ACSM3: variants seen among roughly 807,000 people sequenced by gnomAD.
ACSM3 encodes acyl-coenzyme A synthetase ACSM3, mitochondrial.
Under a neutral mutation model 74.1 loss-of-function variants are expected in ACSM3, and 61 were observed. The observed-to-expected ratio is 0.82, with a 90% CI of 0.67 to 1.02. The LOEUF is 1.02. Among genes scored for constraint, ACSM3 ranks in the 50% least tolerant of loss-of-function variants. The pLI is 0.00. For synonymous variants in ACSM3, 213 were observed against 241.5 expected (o/e 0.88, Z 1.09); for missense variants, 660 against 697.0 (o/e 0.95, Z 0.60).
chr16:20,737,593 A>G, intron 1 of ACSM3: 1 of 1,056,146 alleles, frequency 9.5e-7, no homozygotes, highest in Non-Finnish European at 1.3e-6. Context: ...GAACATTTTA[A>G]TATATTTGTT....
At chr16:20,741,402 G>T in intron 1 of ACSM3, 1 of 1,371,844 alleles carries the variant, frequency 7.3e-7, no homozygotes, top group Non-Finnish European at 9.7e-7. Flanking sequence ...CAGCCGTCAC[G>T]CCGACGACCC....
At chr16:20,737,319 G>T in intron 1 of ACSM3, 2 of 1,571,500 alleles carry the variant, frequency 1.3e-6, no homozygotes, top group Non-Finnish European at 1.7e-6. Flanking sequence ...CATAGCTGAG[G>T]AGGATACCAT....
At chr16:20,745,517 G>A (rs2079953929) in intron 1 of ACSM3, among the ~76,000 whole-genome samples, 1 of 152,118 alleles carries the variant, frequency 6.6e-6, no homozygotes, top group Non-Finnish European at 1.5e-5. Flanking sequence ...GGGAGGCAGA[G>A]GTTGCAGTGA....
At chr16:20,683,646 CTTT>C (rs36182498) in intron 1 of ACSM3, among the ~76,000 whole-genome samples, 3 of 136,856 alleles carry the variant, frequency 2.2e-5, no homozygotes, top group Non-Finnish European at 4.6e-5. Context: ...CAGCTCAAGT[CTTT>C]TTTTTTTTTT....
upstream of ACSM3, among the ~76,000 whole-genome samples, chr16:20,760,934 C>A (rs2080071829): frequency 1.3e-5 from 2 of 152,168 alleles, no homozygotes; most frequent in Non-Finnish European, 2.9e-5. Flanking sequence ...TCCGCAACCC[C>A]CCACCCTTTA....
intron 1 of ACSM3, among the ~76,000 whole-genome samples, chr16:20,727,988 A>G (rs895938809): frequency 1.3e-5 from 2 of 152,220 alleles, no homozygotes; most frequent in African/African-American, 4.8e-5. Flanking sequence ...AGAATCTCCA[A>G]TTTGATTCTA....
intron 1 of ACSM3, among the ~76,000 whole-genome samples, chr16:20,700,278 G>A (rs900550527): frequency 6.6e-6 from 1 of 152,154 alleles, no homozygotes; most frequent in Admixed American, 6.5e-5. Context: ...GACAAGGTTG[G>A]TGCTCTCAAG....
At position 20,769,929 on chromosome 16, in the gene ACSM3, G is replaced by A. The variant is rs536065461; in HGVS notation, c.-51-55G>A. ...AATAACAAAACTTAGCCACTTTGGG[G>A]TATGGCTACCTTCAGGACAGAAACA... On this transcript the variant is annotated intron_variant, in intron 1 of 13. Transcript: ENST00000289416. 12 of 1,099,860 alleles carry A rather than the reference G, an allele frequency of 1.1e-5. No homozygotes were observed. In the East Asian group the frequency reaches 2.8e-4, roughly 26 times the overall value. 68.1% of individuals were successfully genotyped at this position (1,099,860 alleles called of 1,614,324 possible). A position where few individuals can be genotyped will look rare whatever the true frequency, so the allele number is the denominator to read the frequency against.
chr16:20,717,962 A>G (rs28370423), intron 1 of ACSM3, among the ~76,000 whole-genome samples: 2,395 of 38,226 alleles, frequency 0.063, 9 homozygotes, highest in African/African-American at 0.083. Context: ...AAGAGGAAGA[A>G]GAAGAAGAAG....
At chr16:20,789,684 C>CTT (rs561663756) in intron 9 of ACSM3, 2,925 of 442,614 alleles carry the variant, frequency 6.6e-3, no homozygotes, top group Middle Eastern at 8.7e-3. Context: ...CTCTATTTTT[C>CTT]TTTTTTTTTT....
intron 1 of ACSM3, among the ~76,000 whole-genome samples, chr16:20,745,578 A>AAAAT (rs55894266): frequency 0.042 from 6,392 of 150,592 alleles, 168 homozygotes; most frequent in South Asian, 0.066. Flanking sequence ...ACTCTGTCTC[A>AAAAT]AAATAAATAA....
chr16:20,691,935 A>C lies in ACSM3; in HGVS notation c.-190+17113A>C, dbSNP rs556719072. 1.3e-4 allele frequency among the ~76,000 whole-genome samples: 20 copies of C among 152,286 alleles called. 1 individual carries two copies. The highest frequency in any genetic ancestry group is 4.1e-4 in the South Asian group (2 of 4,822). ...ACAGGCGAGAATGAAACTGATGTAC[A>C]GAAACAATGAGATGAGGTGGAGTAA... is the stretch of plus-strand genomic sequence containing the variant. On this transcript the variant is annotated intron_variant, in intron 1 of 3. Coordinates refer to the ACSM3 transcript ENST00000561584.
At chr16:20,705,892 A>G (rs2079725978) in intron 1 of ACSM3, among the ~76,000 whole-genome samples, 4 of 152,184 alleles carry the variant, frequency 2.6e-5, no homozygotes, top group Admixed American at 2.6e-4. Context: ...GGAAAAATAG[A>G]AATGATTTTA....
chr16:20,775,816 A>G (rs770821207), intron 2 of ACSM3, 23 bp from the exon 3 acceptor site: 21 of 1,612,228 alleles, frequency 1.3e-5, no homozygotes, highest in Middle Eastern at 1.6e-4. Flanking sequence ...CTTTAAATCA[A>G]TGACTGGTTT....
At chr16:20,721,530 C>T (rs970586288) in intron 1 of ACSM3, 24 of 152,148 alleles carry the variant, frequency 1.6e-4, no homozygotes, top group African/African-American at 5.6e-4. Context: ...CCTGCTACAA[C>T]TGTAGTGCTG....
intron 1 of ACSM3, among the ~76,000 whole-genome samples, chr16:20,713,785 T>C (rs2079751823): frequency 6.6e-6 from 1 of 152,128 alleles, no homozygotes; most frequent in Non-Finnish European, 1.5e-5. Context: ...GGGGGTAGTT[T>C]TCAAGATGGA....
chr16:20,788,017 C>A (rs1567360392), intron 9 of ACSM3, among the ~76,000 whole-genome samples: 1 of 152,130 alleles, frequency 6.6e-6, no homozygotes, highest in Non-Finnish European at 1.5e-5. Flanking sequence ...GTTTAAAGAG[C>A]ATATCAGAAT....
At chr16:20,741,435 C>A in intron 1 of ACSM3, 1 of 1,450,766 alleles carries the variant, frequency 6.9e-7, no homozygotes, top group Non-Finnish European at 9.1e-7. Context: ...CCCATACCAG[C>A]AGCCATCCCT....
intron 1 of ACSM3, among the ~76,000 whole-genome samples, chr16:20,717,003 G>C (rs1201282004): frequency 6.6e-6 from 1 of 152,156 alleles, no homozygotes; most frequent in Non-Finnish European, 1.5e-5. Context: ...TTTATTATCT[G>C]ACAAATGAAA....
Sources: allele counts gnomAD v4.1 joint callset (sites outside exome capture counted in the v4.1 genomes callset), GRCh38; gene constraint gnomAD v4.1.1; transcripts MANE v1.5; gene names NCBI Gene and HGNC (gene_info 2026-07-23, HGNC 2026-07-21).